Variants in C11orf98 observed in about 807,000 individuals in gnomAD.
The protein encoded by C11orf98 is chromosome 11 open reading frame 98, also known as 28S rRNA/ribosome and sororin micro-cofactor.
A neutral mutation model predicts 10.9 loss-of-function variants in C11orf98; 7 were observed. The ratio of observed to expected loss-of-function variants is 0.64; its 90% CI spans 0.37 to 1.21. The LOEUF (loss-of-function observed/expected upper bound fraction) is 1.21, where lower values mean the gene tolerates loss of function less well. C11orf98 is among the 50% of genes most tolerant of loss of function. The pLI, the probability that C11orf98 is intolerant of heterozygous loss-of-function variation, is 0.02. For missense variants in C11orf98, 181 were observed against 153.7 expected, an observed-to-expected ratio of 1.18 and a Z score of -0.94; for synonymous variants, 70 against 57.2, an observed-to-expected ratio of 1.22 and a Z score of -1.01.
chr11:62,664,214 T>C (rs1944729856), intron 2 of C11orf98, among the ~76,000 whole-genome samples: 1 of 152,086 alleles, frequency 6.6e-6, no homozygotes, highest in African/African-American at 2.4e-5. Context: ...CTTCGAGTTT[T>C]ATGCGCCTAT....
intron 2 of C11orf98, among the ~76,000 whole-genome samples, chr11:62,664,039 C>T (rs1301632047): frequency 7.0e-6 from 1 of 143,742 alleles, no homozygotes; most frequent in African/African-American, 2.6e-5. Context: ...TGCCACTTCA[C>T]TCCAGCCTGG....
chr11:62,663,133 T>C lies in C11orf98; in HGVS notation c.289A>G (p.Thr97Ala), dbSNP rs1200828490. 1.2e-6 allele frequency: 2 copies of C among 1,614,032 alleles called. No homozygotes were observed. The highest frequency in any genetic ancestry group is 2.2e-5 in the East Asian group (1 of 44,896). ...EVEAPSKPARTSEPQLKRQKK... is the reference protein window; with the variant it reads ...EVEAPSKPARASEPQLKRQKK... ...TGCCTTTTGAGCTGTGGTTCACTAG[T>C]CCTGGCTGGCTTTGAAGGGGCTTCC... Residue 97 changes from threonine to alanine, a missense_variant, in exon 4 of 4, where the codon ACT becomes GCT. Transcript: ENST00000524958.
At position 62,665,143 on chromosome 11, in the gene C11orf98, G is replaced by T; in HGVS notation, c.27C>A (p.Asn9Lys). The change falls in exon 1 of 4, where the codon AAC becomes AAA. Residue 9 changes from asparagine (N) to lysine (K), a missense_variant. Asn to Lys is a moderately conservative substitution (Grantham distance 94). Transcript: ENST00000524958. MGAPGGKI[N>K]RPRTELKKKL... is the part of the protein sequence containing the mutation. The stretch of plus-strand genomic sequence containing the variant: ...CCCACACAGTCACCGTTCGGGGCCG[G>T]TTGATCTTTCCCCCCGGAGCTCCCA... 9.9e-7 allele frequency: 1 copy of T among 1,013,542 alleles called. No individual in the cohort carries two copies. The highest frequency in any genetic ancestry group is 1.5e-6 in the Non-Finnish European group (1 of 669,588). 62.8% of individuals were successfully genotyped at this position (1,013,542 alleles called of 1,614,324 possible). A position where few individuals can be genotyped will look rare whatever the true frequency, so the allele number is the denominator to read the frequency against.
chr11:62,663,367 T>TA (rs1424002932), intron 2 of C11orf98, 34 bp from the exon 3 acceptor site: 10 of 1,596,972 alleles, frequency 6.3e-6, no homozygotes, highest in Non-Finnish European at 8.6e-6. Context: ...AGAGCTAGGT[T>TA]AACCTGAACC....
At chr11:62,663,483 G>T in intron 2 of C11orf98, 150 bp from the exon 3 acceptor site, 1 of 703,846 alleles carries the variant, frequency 1.4e-6, no homozygotes, top group South Asian at 2.0e-5. Flanking sequence ...GAGGCGGCTG[G>T]ATCACGAGGT....
Position 62,664,965 on chromosome 11 carries a change from C to T in C11orf98, c.48G>A (p.Lys16=), listed in dbSNP as rs756893729. 4.3e-6 allele frequency: 7 copies of T among 1,611,628 alleles called. No individual in the cohort carries two copies. Among genetic ancestry groups the T allele is most frequent in the African/African-American group, 2.7e-5 (2 of 74,936 alleles). ...CCCGCCGGCGTTTGAACAGCTTCTT[C>T]TTCAGCTCCTGCCGGGGAGAAAGAT... is the stretch of plus-strand genomic sequence containing the variant. ...GKINRPRTEL[K]KKLFKRRRVL... Residue 16 remains lysine, a synonymous_variant, in exon 2 of 4, where the codon AAG becomes AAA. Coordinates refer to ENST00000524958, the MANE Select transcript of C11orf98 (RefSeq NM_001286086.2).
Position 62,663,333 on chromosome 11 carries a change from C to A in C11orf98, c.165G>T (p.Ala55=), listed in dbSNP as rs773105335. The A allele has an allele frequency of 6.2e-7, 1 of 1,613,424 alleles. No homozygotes were observed. Among genetic ancestry groups the A allele is most frequent in the Admixed American group, 1.7e-5 (1 of 59,906 alleles). ...LITRHHLKKR[A]SSARANITLS... ...GTGTAATGTTGGCACGTGCACTGGA[C>A]CTGATGGGTAAGTGGAAATAAAGAG... Residue 55 remains alanine (A), a splice_region_variant and synonymous_variant, in exon 3 of 4, where the codon GCG becomes GCT. Coordinates refer to ENST00000524958, the MANE Select transcript of C11orf98 (RefSeq NM_001286086.2).
chr11:62,664,445 C>T (rs987241850), intron 2 of C11orf98, among the ~76,000 whole-genome samples: 1 of 150,608 alleles, frequency 6.6e-6, no homozygotes, highest in Non-Finnish European at 1.5e-5. Flanking sequence ...ATTCTCCTGC[C>T]TCAGCCTCCC....
At chr11:62,664,082 G>GAAAAAAAAAAAAA (rs71056540) in intron 2 of C11orf98, among the ~76,000 whole-genome samples, 1 of 65,940 alleles carries the variant, frequency 1.5e-5, no homozygotes, top group Non-Finnish European at 2.8e-5. Flanking sequence ...CAAAAAAGAG[G>GAAAAAAAAAAAAA]AAAAAAAAAA....
rs768263293 is a variant in C11orf98 at position 62,662,818 on chromosome 11, C to A, written c.*232G>T. 13 of 517,794 alleles carry A rather than the reference C, an allele frequency of 2.5e-5. No homozygotes were observed. Among genetic ancestry groups the A allele is most frequent in the Non-Finnish European group, 4.4e-5 (13 of 293,940 alleles). The allele number at this position is 517,794 out of a possible 1,614,324, so 32.1% of individuals were successfully genotyped here. A position where few individuals can be genotyped will look rare whatever the true frequency, so the allele number is the denominator to read the frequency against. ...TTCCTACATTTAATCACACACATCTCAGAGTGCTAGGGCTTTATTACAAAT... is the reference window on the plus strand; with the variant it reads ...TTCCTACATTTAATCACACACATCTAAGAGTGCTAGGGCTTTATTACAAAT... On this transcript the variant is annotated 3_prime_UTR_variant, in exon 4 of 4. Transcript: ENST00000524958.
At position 62,665,118 on chromosome 11, in the gene C11orf98, C is replaced by G; in HGVS notation, c.39+13G>C. 1 of 1,225,914 alleles carries G rather than the reference C, an allele frequency of 8.2e-7. No homozygotes were observed. Among genetic ancestry groups the G allele is most frequent in the Non-Finnish European group, 1.2e-6 (1 of 863,392 alleles). 75.9% of individuals were successfully genotyped at this position (1,225,914 alleles called of 1,614,324 possible). A position where few individuals can be genotyped will look rare whatever the true frequency, so the allele number is the denominator to read the frequency against. ...CGCTTGAGGAAACAAAGTCGCGGCC[C>G]CCACACAGTCACCGTTCGGGGCCGG... On this transcript the variant is annotated intron_variant, in intron 1 of 3. Coordinates refer to ENST00000524958, the MANE Select transcript of C11orf98 (RefSeq NM_001286086.2).
intron 2 of C11orf98, 77 bp from the exon 3 acceptor site, chr11:62,663,410 A>G: frequency 1.4e-6 from 2 of 1,455,394 alleles, no homozygotes; most frequent in South Asian, 2.6e-5. Context: ...CTGGCTATAG[A>G]AAAAGTATTA....
chr11:62,663,932 G>A (rs1469687256), intron 2 of C11orf98, among the ~76,000 whole-genome samples: 2 of 150,736 alleles, frequency 1.3e-5, no homozygotes, highest in East Asian at 3.9e-4. Flanking sequence ...AATTAGCCGG[G>A]TGCAGTGGGG....
chr11:62,664,589 C>G (rs1025889105), intron 2 of C11orf98, among the ~76,000 whole-genome samples: 5 of 152,258 alleles, frequency 3.3e-5, no homozygotes, highest in African/African-American at 1.2e-4. Context: ...CCTCAGCCCC[C>G]CAAAGTGCTG....
At chr11:62,663,364 G>C (rs747837951) in intron 2 of C11orf98, 31 bp from the exon 3 acceptor site, 9 of 1,603,848 alleles carry the variant, frequency 5.6e-6, no homozygotes, top group South Asian at 1.1e-5. Context: ...AAGAGAGCTA[G>C]GTTAACCTGA....
intron 2 of C11orf98, among the ~76,000 whole-genome samples, chr11:62,664,326 CTTTTTTTTTTTT>C (rs35917869): frequency 2.6e-5 from 2 of 77,438 alleles, no homozygotes; most frequent in Non-Finnish European, 4.6e-5. Flanking sequence ...TCCTGATATT[CTTTTTTTTTTTT>C]TTTTTTTTTT....
intron 2 of C11orf98, 61 bp from the exon 3 acceptor site, chr11:62,663,394 A>G: frequency 6.5e-7 from 1 of 1,534,362 alleles, no homozygotes; most frequent in African/African-American, 1.4e-5. Flanking sequence ...GGTCACACAA[A>G]TAGTTCTGGC....
chr11:62,665,176 G>T lies in C11orf98; in HGVS notation c.-7C>A, dbSNP rs537564268. On this transcript the variant is annotated 5_prime_UTR_variant, in exon 1 of 4. Transcript: ENST00000524958. Reference sequence around the variant, plus strand: ...TTCCCCCCGGAGCTCCCATAGTCGCGATTCCACTCCAGTTCACGGTCCGTA... The same window carrying T: ...TTCCCCCCGGAGCTCCCATAGTCGCTATTCCACTCCAGTTCACGGTCCGTA... The T allele has an allele frequency of 2.7e-5, 23 of 855,014 alleles. No homozygotes were observed. In the African/African-American group the frequency reaches 3.0e-4, roughly 11 times the overall value. 53.0% of individuals were successfully genotyped at this position (855,014 alleles called of 1,614,324 possible). A position where few individuals can be genotyped will look rare whatever the true frequency, so the allele number is the denominator to read the frequency against.
chr11:62,663,520 C>G (rs1944709362), intron 2 of C11orf98, among the ~76,000 whole-genome samples, 187 bp from the exon 3 acceptor site: 1 of 151,996 alleles, frequency 6.6e-6, no homozygotes, highest in South Asian at 2.1e-4. Flanking sequence ...CGGTGAAACC[C>G]TGTCTCTACT....
Sources: gnomAD v4.1 joint callset for allele counts (sites outside exome capture counted in the v4.1 genomes callset) on GRCh38, gnomAD v4.1.1 for gene constraint, MANE v1.5 for transcripts, NCBI Gene and HGNC (gene_info 2026-07-23, HGNC 2026-07-21) for gene names.